Variants in KCNH1 observed in about 807,000 individuals in gnomAD.
KCNH1 encodes potassium voltage-gated channel subfamily H member 1, also known as voltage-gated delayed rectifier potassium channel KCNH1.
A neutral mutation model predicts 69.2 loss-of-function variants in KCNH1; 27 were observed. That is an observed-to-expected ratio of 0.39 (90% CI 0.29 to 0.54). KCNH1 has a LOEUF of 0.54. Ranked by LOEUF, KCNH1 falls within the 20% of genes least tolerant of loss-of-function variation. The pLI is 0.68. For synonymous variants in KCNH1, 456 were observed against 487.7 expected, an observed-to-expected ratio of 0.93 and a Z score of 0.86; for missense variants, 798 against 1,261.6, an observed-to-expected ratio of 0.63 and a Z score of 5.57.
chr1:210,951,658 T>G (rs1290755677), intron 6 of KCNH1, among the ~76,000 whole-genome samples: 2 of 152,200 alleles, frequency 1.3e-5, no homozygotes, highest in Non-Finnish European at 2.9e-5. Context: ...TCCAGTAGAT[T>G]ATGCTTTTTC....
chr1:210,713,037 G>A (rs1049195669), intron 10 of KCNH1, among the ~76,000 whole-genome samples: 1 of 152,076 alleles, frequency 6.6e-6, no homozygotes, highest in African/African-American at 2.4e-5. Flanking sequence ...CTATTGTGCA[G>A]GCAATATTCC....
intron 5 of KCNH1, among the ~76,000 whole-genome samples, chr1:211,045,064 A>AT (rs1490472380): frequency 1.6e-5 from 2 of 128,288 alleles, no homozygotes; most frequent in Non-Finnish European, 3.5e-5. Flanking sequence ...ATATATGAAT[A>AT]ATAGAATAGT....
At chr1:210,780,046 G>T (rs544145607) in intron 9 of KCNH1, among the ~76,000 whole-genome samples, 2 of 152,328 alleles carry the variant, frequency 1.3e-5, no homozygotes, top group East Asian at 3.9e-4. Flanking sequence ...AGCCACTTGA[G>T]AAAGCTGAAG....
chr1:211,025,476 G>A lies in KCNH1; in HGVS notation c.559-6220C>T, dbSNP rs544563675. On this transcript the variant is annotated intron_variant, in intron 5 of 10. Transcript: ENST00000271751. ...TCCATGAAAAGGAAATTACATGAGT[G>A]TGATTAAGGAAGCTTGGATTCTGAG... Among the ~76,000 whole-genome samples, 11 of 152,258 alleles carry A rather than the reference G, an allele frequency of 7.2e-5. No homozygotes were observed. In the South Asian group the frequency reaches 2.1e-3, roughly 29 times the overall value.
intron 7 of KCNH1, among the ~76,000 whole-genome samples, chr1:210,855,572 A>T (rs1685815787): frequency 6.6e-6 from 1 of 152,214 alleles, no homozygotes; most frequent in South Asian, 2.1e-4. Flanking sequence ...AACACAGAAC[A>T]GCTAAGTGTA....
intron 6 of KCNH1, among the ~76,000 whole-genome samples, chr1:210,946,090 T>A (rs1687953290): frequency 6.6e-6 from 1 of 152,226 alleles, no homozygotes; most frequent in African/African-American, 2.4e-5. Context: ...ATGTAGCACT[T>A]CACAGCTTAC....
intron 7 of KCNH1, among the ~76,000 whole-genome samples, chr1:210,828,435 A>G (rs374464904): frequency 2.0e-5 from 3 of 152,210 alleles, no homozygotes; most frequent in East Asian, 1.9e-4. Flanking sequence ...GAACGTTCCC[A>G]TAGTAACATC....
In KCNH1 at chr1:210,680,803, C is replaced by A. The variant is rs947718950; in HGVS notation, c.*2478G>T. On this transcript the variant is annotated 3_prime_UTR_variant, in exon 11 of 11. Transcript: ENST00000271751. ...AACAGATTCCTGCCGCAGGAGCTGG[C>A]TTCCAGTCATGAGCCCAGTTTGCGC... 1.3e-5 allele frequency: 2 copies of A among 152,270 alleles called. No individual in the cohort carries two copies. The highest frequency in any genetic ancestry group is 2.9e-5 in the Non-Finnish European group (2 of 68,090). The allele number at this position is 152,270 out of a possible 1,614,324, so 9.4% of individuals were successfully genotyped here.
chr1:211,074,310 T>A (rs1395130622), intron 5 of KCNH1, among the ~76,000 whole-genome samples: 1 of 151,522 alleles, frequency 6.6e-6, no homozygotes, highest in African/African-American at 2.4e-5. Context: ...TATATATATA[T>A]AATACTATTA....
intron 9 of KCNH1, among the ~76,000 whole-genome samples, chr1:210,793,971 CT>C (rs1180272671): frequency 5.9e-5 from 9 of 152,174 alleles, no homozygotes; most frequent in Non-Finnish European, 8.8e-5. Flanking sequence ...ATCCCCACCC[CT>C]ATGACAGTGC....
intron 10 of KCNH1, among the ~76,000 whole-genome samples, chr1:210,718,649 TATACACACACACACAC>T (rs1315874218): frequency 0.014 from 983 of 72,324 alleles, 43 homozygotes; most frequent in African/African-American, 0.083. Context: ...TACATATATA[TATACACACACACACAC>T]ACACACACAC....
Position 210,862,036 on chromosome 1 carries a change from G to T in KCNH1, c.1462+57604C>A, listed in dbSNP as rs556295426. 4.3e-5 allele frequency: 34 copies of T among 781,744 alleles called. No homozygotes were observed. The Admixed American group carries it at 4.7e-4, about 11-fold the overall frequency. 48.4% of individuals were successfully genotyped at this position (781,744 alleles called of 1,614,324 possible). On this transcript the variant is annotated intron_variant, in intron 7 of 10. Transcript: ENST00000271751. The stretch of plus-strand genomic sequence containing the variant: ...TCAAATACAATGGCAATCTTCTTCT[G>T]GAATAGTATAAGGGGATATATACTT...
intron 7 of KCNH1, among the ~76,000 whole-genome samples, chr1:210,847,772 A>G (rs916112010): frequency 6.6e-6 from 1 of 151,770 alleles, no homozygotes; most frequent in Non-Finnish European, 1.5e-5. Context: ...AAATAAAGAT[A>G]TAATTGACAT....
At chr1:210,784,406 G>A (rs144304575) in intron 9 of KCNH1, among the ~76,000 whole-genome samples, 9 of 152,348 alleles carry the variant, frequency 5.9e-5, no homozygotes, top group Middle Eastern at 3.4e-3. Flanking sequence ...GACAGACACA[G>A]TGGAAATCTC....
chr1:211,060,630 T>C (rs1690418835), intron 5 of KCNH1, among the ~76,000 whole-genome samples: 1 of 151,636 alleles, frequency 6.6e-6, no homozygotes, highest in Non-Finnish European at 1.5e-5. Context: ...AAAGGAGACA[T>C]TACAATGGAT....
At chr1:210,929,678 C>CA (rs1011878943) in intron 6 of KCNH1, among the ~76,000 whole-genome samples, 8 of 152,088 alleles carry the variant, frequency 5.3e-5, no homozygotes, top group African/African-American at 1.9e-4. Flanking sequence ...GTCCTAGCCA[C>CA]AGCAATCAGA....
chr1:210,807,683 G>C (rs534143989), intron 7 of KCNH1, among the ~76,000 whole-genome samples: 1 of 152,054 alleles, frequency 6.6e-6, no homozygotes, highest in Non-Finnish European at 1.5e-5. Context: ...CACAGTATGT[G>C]ACCTTTTGAG....
In KCNH1 at chr1:210,749,377, A is replaced by C. The variant is rs1275363496; in HGVS notation, c.2112+25971T>G. Among the ~76,000 whole-genome samples, 3 of 152,182 alleles carry C rather than the reference A, an allele frequency of 2.0e-5. No homozygotes were observed. In the South Asian group the frequency reaches 6.2e-4, roughly 32 times the overall value. On this transcript the variant is annotated intron_variant, in intron 10 of 10. Transcript: ENST00000271751. ...TGGCCAGATTTTCACTAGAGAGAGA[A>C]AACCTTGTATGGGGGAAACCTAACA...
intron 10 of KCNH1, among the ~76,000 whole-genome samples, chr1:210,742,619 A>G (rs1399105150): frequency 1.3e-5 from 2 of 152,224 alleles, no homozygotes; most frequent in Non-Finnish European, 2.9e-5. Flanking sequence ...GCACTTTCCC[A>G]GAAAAGAATG....
Sources: allele counts gnomAD v4.1 joint callset (sites outside exome capture counted in the v4.1 genomes callset), GRCh38; gene constraint gnomAD v4.1.1; transcripts MANE v1.5; gene names NCBI Gene and HGNC (gene_info 2026-07-23, HGNC 2026-07-21).